THADA: variants seen among roughly 807,000 people sequenced by gnomAD.
THADA encodes the protein tRNA (32-2'-O)-methyltransferase regulator THADA.
THADA carries 213 observed loss-of-function variants against 219.8 expected under a neutral mutation model. That is an observed-to-expected ratio of 0.97 (90% CI 0.87 to 1.09). THADA has a LOEUF of 1.09. THADA is among the 50% of genes least tolerant of loss of function. The pLI is 0.00. For synonymous variants in THADA, 1,018 were observed against 828.9 expected (o/e 1.23, Z -3.92); for missense variants, 2,956 against 2,311.3 (o/e 1.28, Z -5.72).
intron 29 of THADA, among the ~76,000 whole-genome samples, chr2:43,377,560 T>C (rs1156895421): frequency 6.6e-6 from 1 of 152,182 alleles, no homozygotes; most frequent in African/African-American, 2.4e-5. Context: ...CTTACAGCGA[T>C]GAAAAACTGT....
chr2:43,382,534 G>T (rs983258393), intron 29 of THADA, among the ~76,000 whole-genome samples: 3 of 152,114 alleles, frequency 2.0e-5, no homozygotes, highest in African/African-American at 7.2e-5. Context: ...GAAATACCAA[G>T]CAAAAGAGAG....
chr2:43,487,617 C>A (rs1356236182), intron 25 of THADA, among the ~76,000 whole-genome samples: 1 of 152,160 alleles, frequency 6.6e-6, no homozygotes, highest in Non-Finnish European at 1.5e-5. Flanking sequence ...GAAATTCTAA[C>A]CTCCAAGGAG....
Position 43,485,326 on chromosome 2 carries a change from C to A in THADA, c.3745-1G>T. 6.2e-7 allele frequency: 1 copy of A among 1,609,942 alleles called. No homozygotes were observed. Among genetic ancestry groups the A allele is most frequent in the Non-Finnish European group, 8.5e-7 (1 of 1,177,378 alleles). On this transcript the variant is annotated splice_acceptor_variant, in intron 25 of 37. Coordinates refer to ENST00000405975, the MANE Select transcript of THADA (RefSeq NM_022065.5). LOFTEE classifies it high-confidence loss of function. ...AGAGAAGTGTGGATGAATTTCGCAC[C>A]TAATGTACAAACGAAAACACAATAA...
chr2:43,515,029 A>T lies in THADA; in HGVS notation c.3375-6249T>A, dbSNP rs1273380728. On this transcript the variant is annotated intron_variant, in intron 22 of 37. Coordinates refer to ENST00000405975, the MANE Select transcript of THADA (RefSeq NM_022065.5). ...TATATATATTATATATTTTATATATAATATATATAAATATATATATTTTAT... is the reference window on the plus strand; with the variant it reads ...TATATATATTATATATTTTATATATTATATATATAAATATATATATTTTAT... Among the ~76,000 whole-genome samples, 166 of 33,958 alleles carry T rather than the reference A, an allele frequency of 4.9e-3. 3 individuals carry two copies. In the East Asian group the frequency reaches 0.076, roughly 16 times the overall value. The allele number at this position is 33,958 out of a possible 152,430, so 22.3% of individuals were successfully genotyped here.
rs1199867860 is a variant in THADA, at chr2:43,552,294, G to A, written c.2720C>T (p.Ala907Val). Residue 907 changes from alanine to valine, a missense_variant, in exon 18 of 38, where the codon GCT (alanine) becomes GTT (valine). By Grantham distance (64) the Ala-to-Val change is moderately conservative (BLOSUM62 0). Coordinates refer to ENST00000405975, the MANE Select transcript of THADA (RefSeq NM_022065.5). Reference sequence around the variant, plus strand: ...TGCTGCCTGAAGCAGAGAATTTTCAGCCTGAGATACTTCTTCCTCAAGATT... The same window carrying A: ...TGCTGCCTGAAGCAGAGAATTTTCAACCTGAGATACTTCTTCCTCAAGATT... ...MENLEEEVSQ[A>V]ENSLLQAAAA... 1 of 1,609,030 alleles carries A rather than the reference G, an allele frequency of 6.2e-7. No homozygotes were observed. Among genetic ancestry groups the A allele is most frequent in the African/African-American group, 1.3e-5 (1 of 74,690 alleles).
intron 26 of THADA, among the ~76,000 whole-genome samples, chr2:43,446,168 A>G (rs1681510840): frequency 2.0e-5 from 3 of 152,248 alleles, no homozygotes; most frequent in Admixed American, 2.0e-4. Context: ...AATCATTTCT[A>G]AAATCTCACA....
intron 36 of THADA, among the ~76,000 whole-genome samples, chr2:43,264,511 C>T (rs1315743862): frequency 6.6e-6 from 1 of 152,092 alleles, no homozygotes; most frequent in Non-Finnish European, 1.5e-5. Flanking sequence ...TCTCGAACTC[C>T]TGACCTCAGG....
At chr2:43,319,179 A>G (rs1338430679) in intron 31 of THADA, among the ~76,000 whole-genome samples, 1 of 152,102 alleles carries the variant, frequency 6.6e-6, no homozygotes, top group Non-Finnish European at 1.5e-5. Flanking sequence ...TAAACTTTAG[A>G]CTCCAGTTGA....
intron 26 of THADA, among the ~76,000 whole-genome samples, chr2:43,439,145 G>A (rs1450600419): frequency 6.6e-6 from 1 of 152,106 alleles, no homozygotes; most frequent in African/African-American, 2.4e-5. Flanking sequence ...CCTCATCCTT[G>A]GTTTCAGTTT....
intron 26 of THADA, among the ~76,000 whole-genome samples, chr2:43,434,205 T>C (rs975491094): frequency 1.3e-5 from 2 of 152,108 alleles, no homozygotes; most frequent in Non-Finnish European, 2.9e-5. Context: ...TAAAACTTGA[T>C]TTGTGTAAGA....
intron 31 of THADA, among the ~76,000 whole-genome samples, chr2:43,300,421 G>C (rs956967369): frequency 4.6e-5 from 7 of 152,174 alleles, no homozygotes; most frequent in African/African-American, 1.7e-4. Flanking sequence ...TGAGGAAACA[G>C]AGAGGTGAAG....
intron 26 of THADA, among the ~76,000 whole-genome samples, chr2:43,472,556 C>G (rs530608558): frequency 4.6e-5 from 7 of 152,294 alleles, no homozygotes; most frequent in East Asian, 1.9e-4. Context: ...TGACCTGGTG[C>G]TAGGTTTCTG....
chr2:43,263,708 G>C (rs749007255), intron 36 of THADA, among the ~76,000 whole-genome samples: 1 of 152,062 alleles, frequency 6.6e-6, no homozygotes, highest in African/African-American at 2.4e-5. Context: ...GTATGTTCTA[G>C]CCTGTTAGCT....
intron 16 of THADA, 72 bp downstream of exon 16, chr2:43,560,162 C>A: frequency 7.5e-7 from 1 of 1,341,550 alleles, no homozygotes; most frequent in Non-Finnish European, 1.0e-6. Flanking sequence ...ATGAATAATC[C>A]TCAGATTGCT....
chr2:43,385,402 C>T (rs1044574088), intron 29 of THADA, among the ~76,000 whole-genome samples: 3 of 151,798 alleles, frequency 2.0e-5, no homozygotes, highest in Non-Finnish European at 2.9e-5. Context: ...GTCAGGAGAT[C>T]GAGACCATCC....
chr2:43,581,059 G>C (rs968194974), intron 8 of THADA, among the ~76,000 whole-genome samples: 5 of 152,154 alleles, frequency 3.3e-5, no homozygotes, highest in Non-Finnish European at 7.4e-5. Context: ...GAGGTGAAGA[G>C]AGAAAGGATA....
In THADA at chr2:43,591,050, G is replaced by C; in HGVS notation, c.172-96C>G. ...TTTGAAGTCTCAATTGCTGGGTACA[G>C]TGGCTCACCCCTGTAATCCCAACAC... On this transcript the variant is annotated intron_variant, in intron 3 of 37. Coordinates refer to ENST00000405975, the MANE Select transcript of THADA (RefSeq NM_022065.5). The C allele has an allele frequency of 7.6e-6, 9 of 1,190,616 alleles. No homozygotes were observed. The South Asian group carries it at 1.2e-4, about 16-fold the overall frequency. 73.8% of individuals were successfully genotyped at this position (1,190,616 alleles called of 1,614,324 possible).
At chr2:43,327,487 G>A (rs182151259) in intron 30 of THADA, among the ~76,000 whole-genome samples, 1 of 151,410 alleles carries the variant, frequency 6.6e-6, no homozygotes, top group African/African-American at 2.4e-5. Flanking sequence ...GAGGGGGGGT[G>A]GTTAGAAGAA....
At chr2:43,590,658 A>AG (rs1324437456) in intron 4 of THADA, among the ~76,000 whole-genome samples, 166 bp downstream of exon 4, 2 of 151,978 alleles carry the variant, frequency 1.3e-5, no homozygotes, top group Non-Finnish European at 2.9e-5. Context: ...AAAAAAAAAA[A>AG]AAAAAAAATA....
Sources: gnomAD v4.1 joint callset for allele counts (sites outside exome capture counted in the v4.1 genomes callset) on GRCh38, gnomAD v4.1.1 for gene constraint, MANE v1.5 for transcripts, NCBI Gene and HGNC (gene_info 2026-07-23, HGNC 2026-07-21) for gene names.